The following FGFR1 variants were observed in gnomAD, a reference collection of about 807,000 sequenced individuals.
FGFR1 encodes the protein fibroblast growth factor receptor 1.
In FGFR1, 18 loss-of-function variants were observed where a neutral mutation model predicts 93.7. The ratio of observed to expected loss-of-function variants is 0.19; its 90% confidence interval spans 0.13 to 0.28. The LOEUF (loss-of-function observed/expected upper bound fraction) is 0.28. FGFR1 is among the 10% of genes least tolerant of loss of function. FGFR1 has a pLI of 1.00. For missense variants in FGFR1, 731 were observed against 1,080.4 expected, an observed-to-expected ratio of 0.68 and a Z score of 4.53; for synonymous variants, 448 against 429.3, an observed-to-expected ratio of 1.04 and a Z score of -0.54.
At chr8:38,460,001 G>T (rs1371489786) in intron 1 of FGFR1, among the ~76,000 whole-genome samples, 1 of 152,126 alleles carries the variant, frequency 6.6e-6, no homozygotes, top group African/African-American at 2.4e-5. Flanking sequence ...TGGCCAACAT[G>T]GTGAAATTCC....
At chr8:38,439,637 C>A (rs1172830911) in intron 2 of FGFR1, among the ~76,000 whole-genome samples, 1 of 152,212 alleles carries the variant, frequency 6.6e-6, no homozygotes, top group Non-Finnish European at 1.5e-5. Context: ...GGTTCGGCCA[C>A]TACCCCAGTT....
Position 38,419,639 on chromosome 8 carries a change from G to A in FGFR1, c.1178C>T (p.Ser393Leu), listed in dbSNP as rs369059499. Reference sequence around the variant, plus strand: ...ACTCTTCATCTTGTAGACGATGACCGACCCCACCATGCAGGAGATGAGGAA... The same window carrying A: ...ACTCTTCATCTTGTAGACGATGACCAACCCCACCATGCAGGAGATGAGGAA... Reference protein sequence around the residue: ...GAFLISCMVGSVIVYKMKSGT... With the variant: ...GAFLISCMVGLVIVYKMKSGT... The change falls in exon 9 of 18, where the codon TCG (serine) becomes TTG (leucine). Residue 393 changes from serine to leucine, a missense_variant. Around this residue, in one of 10 missense-constraint regions of FGFR1, gnomAD observed 146 missense variants for 173.0 expected, o/e 0.84. Coordinates refer to ENST00000447712, the MANE Select transcript of FGFR1 (RefSeq NM_023110.3). 4.5e-5 allele frequency: 72 copies of A among 1,613,932 alleles called. No homozygotes were observed. Among genetic ancestry groups the A allele is most frequent in the Non-Finnish European group, 5.3e-5 (63 of 1,179,988 alleles).
chr8:38,418,602 A>G (rs995157821), intron 9 of FGFR1: 20 of 582,926 alleles, frequency 3.4e-5, no homozygotes, highest in South Asian at 2.5e-4. Flanking sequence ...CACCTTTAAA[A>G]TAAGCAGACC....
intron 2 of FGFR1, among the ~76,000 whole-genome samples, chr8:38,450,348 G>A (rs1033601700): frequency 6.6e-6 from 1 of 152,184 alleles, no homozygotes; most frequent in Non-Finnish European, 1.5e-5. Context: ...CCTCAGGGAA[G>A]GAAGAAAGAG....
chr8:38,441,279 C>T (rs1221944000), intron 2 of FGFR1, among the ~76,000 whole-genome samples: 1 of 152,228 alleles, frequency 6.6e-6, no homozygotes, highest in Non-Finnish European at 1.5e-5. Flanking sequence ...TCCTTCAAAT[C>T]TGTACTTTTT....
intron 2 of FGFR1, among the ~76,000 whole-genome samples, chr8:38,431,503 C>T (rs1671136607): frequency 1.3e-5 from 2 of 152,208 alleles, no homozygotes; most frequent in African/African-American, 4.8e-5. Context: ...GCCTTCCTTT[C>T]TACTCTCCCT....
intron 2 of FGFR1, among the ~76,000 whole-genome samples, chr8:38,440,861 A>G (rs754381472): frequency 6.6e-6 from 1 of 152,208 alleles, no homozygotes; most frequent in Non-Finnish European, 1.5e-5. Context: ...AGAAAGGCCG[A>G]GCACACAGGC....
Position 38,466,905 on chromosome 8 carries a change from CA to C in FGFR1, c.-89+1075del, listed in dbSNP as rs201147151. On this transcript the variant is annotated intron_variant, in intron 1 of 17. Transcript: ENST00000447712. ...CAGGCTTCACACCCCACCCCCCCCC[CA>C]CCACCACCAAAAAAGTGTCTGGCTG... Among the ~76,000 whole-genome samples the C allele has an allele frequency of 3.8e-3, 416 of 110,328 alleles. 8 individuals carry two copies. The highest frequency in any genetic ancestry group is 0.011 in the African/African-American group (344 of 31,382). The allele number at this position is 110,328 out of a possible 152,430, so 72.4% of individuals were successfully genotyped here. A position where few individuals can be genotyped will look rare whatever the true frequency, so the allele number is the denominator to read the frequency against.
rs1392165174 is a variant in FGFR1 at position 38,412,062 on chromosome 8, T to C, written c.*1566A>G. 1 of 220,670 alleles carries C rather than the reference T, an allele frequency of 4.5e-6. No individual in the cohort carries two copies. The highest frequency in any genetic ancestry group is 9.1e-6 in the Non-Finnish European group (1 of 110,268). The allele number at this position is 220,670 out of a possible 1,614,324, so 13.7% of individuals were successfully genotyped here. A position where few individuals can be genotyped will look rare whatever the true frequency, so the allele number is the denominator to read the frequency against. ...GGGTTTCAGTTTCTGCAGACCTTCATCATTTGTTTTCCTTTTTGTTTTCTC... is the reference window on the plus strand; with the variant it reads ...GGGTTTCAGTTTCTGCAGACCTTCACCATTTGTTTTCCTTTTTGTTTTCTC... On this transcript the variant is annotated 3_prime_UTR_variant, in exon 18 of 18. Coordinates refer to ENST00000447712, the MANE Select transcript of FGFR1 (RefSeq NM_023110.3).
chr8:38,423,312 GTTTTT>G (rs58594253), intron 7 of FGFR1: 393 of 360,514 alleles, frequency 1.1e-3, no homozygotes, highest in East Asian at 3.0e-3. Flanking sequence ...TTCCCTTTTA[GTTTTT>G]TTTTTTTTTT....
chr8:38,427,265 A>C, intron 5 of FGFR1, among the ~76,000 whole-genome samples: 1 of 152,156 alleles, frequency 6.6e-6, no homozygotes, highest in East Asian at 1.9e-4. Context: ...AAAATAGTTC[A>C]TTAAATTATA....
chr8:38,465,880 G>A (rs1835380682), intron 1 of FGFR1: 1 of 224,046 alleles, frequency 4.5e-6, no homozygotes, highest in Non-Finnish European at 8.9e-6. Context: ...CACATCTGCG[G>A]AGGAAACAGT....
chr8:38,461,623 CT>C (rs1463570545), intron 1 of FGFR1, among the ~76,000 whole-genome samples: 1 of 152,116 alleles, frequency 6.6e-6, no homozygotes, highest in Non-Finnish European at 1.5e-5. Context: ...TCTTTTTATT[CT>C]TGTCCGCTGG....
In FGFR1 at chr8:38,416,029, G is replaced by A. The variant is rs1816425225; in HGVS notation, c.1695C>T (p.Ser565=). Residue 565 remains serine (S), a synonymous_variant, in exon 13 of 18, where the codon TCC becomes TCT. Coordinates refer to ENST00000447712, the MANE Select transcript of FGFR1 (RefSeq NM_023110.3). ...GPLYVIVEYA[S]KGNLREYLQA... is the part of the protein sequence containing the mutation. The stretch of plus-strand genomic sequence containing the variant: ...GCAGGTACTCCCGCAGGTTGCCCTT[G>A]GAGGCATACTCCACGATGACATACA... 1.2e-6 allele frequency: 2 copies of A among 1,613,432 alleles called. No individual in the cohort carries two copies. Among genetic ancestry groups the A allele is most frequent in the South Asian group, 2.2e-5 (2 of 91,030 alleles).
intron 2 of FGFR1, among the ~76,000 whole-genome samples, chr8:38,456,727 C>T (rs1321884982): frequency 6.6e-6 from 1 of 152,194 alleles, no homozygotes; most frequent in African/African-American, 2.4e-5. Context: ...TGCACCATCA[C>T]ACCCAGTTAA....
chr8:38,421,873 G>A lies in FGFR1; in HGVS notation c.1005C>T (p.Asp335=), dbSNP rs1331582263. The change falls in exon 8 of 18, where the codon GAC becomes GAT. Residue 335 remains aspartate (D), a synonymous_variant. Coordinates refer to ENST00000447712, the MANE Select transcript of FGFR1 (RefSeq NM_023110.3). ...CCGCCAAGCACGTATACTCCCCTGC[G>A]TCCTCAAAGGAGACATTTCTTAAGT... ...VLHLRNVSFE[D]AGEYTCLAGN... 11 of 1,613,926 alleles carry A rather than the reference G, an allele frequency of 6.8e-6. No individual in the cohort carries two copies. In the African/African-American group the frequency reaches 1.1e-4, roughly 16 times the overall value.
At chr8:38,464,883 C>G (rs1835170989) in intron 1 of FGFR1, among the ~76,000 whole-genome samples, 1 of 152,184 alleles carries the variant, frequency 6.6e-6, no homozygotes, top group Admixed American at 6.5e-5. Context: ...AAGAAAAAAG[C>G]CTTTGTAGAA....
At chr8:38,433,155 T>C (rs953678984) in intron 2 of FGFR1, among the ~76,000 whole-genome samples, 2 of 151,814 alleles carry the variant, frequency 1.3e-5, no homozygotes, top group African/African-American at 4.8e-5. Context: ...CTAGGCAACA[T>C]AGTGAGACCT....
intron 13 of FGFR1, among the ~76,000 whole-genome samples, 165 bp from the exon 14 acceptor site, chr8:38,415,066 C>G (rs368768306): frequency 1.2e-4 from 19 of 152,302 alleles, no homozygotes; most frequent in East Asian, 7.7e-4. Context: ...TCTGCCAGCT[C>G]CAGGCTTCTC....
Sources: allele counts gnomAD v4.1 joint callset (sites outside exome capture counted in the v4.1 genomes callset), GRCh38; gene constraint gnomAD v4.1.1; regional missense constraint gnomAD v4.1.1; transcripts MANE v1.5; gene names NCBI Gene and HGNC (gene_info 2026-07-23, HGNC 2026-07-21).